The following BLTP1 variants were observed in gnomAD, a reference collection of about 807,000 sequenced individuals.
BLTP1 encodes fragile site-associated protein.
At chr4:122,241,422 A>T in the BLTP1 span, among the ~76,000 whole-genome samples, 3 of 152,200 alleles carry the variant, frequency 2.0e-5, no homozygotes, top group Non-Finnish European at 4.4e-5. Context: ...TCAGAGTTTT[A>T]AGGAAATATG....
the BLTP1 span, chr4:122,209,730 A>T: frequency 6.8e-7 from 1 of 1,473,362 alleles, no homozygotes; most frequent in Non-Finnish European, 9.1e-7. Flanking sequence ...AAAAAATAAT[A>T]ATAAAATTTG....
the BLTP1 span, among the ~76,000 whole-genome samples, chr4:122,272,979 T>C: frequency 6.6e-6 from 1 of 152,074 alleles, no homozygotes; most frequent in Non-Finnish European, 1.5e-5. Flanking sequence ...TGCCATTGAT[T>C]GTAAACTGCA....
At chr4:122,174,417 A>G in the BLTP1 span, 1 of 945,724 alleles carries the variant, frequency 1.1e-6, no homozygotes, top group Non-Finnish European at 1.3e-6. Context: ...TTGGGGAAAG[A>G]ATGATGGAAA....
At chr4:122,264,208 T>G in the BLTP1 span, 1 of 1,520,498 alleles carries the variant, frequency 6.6e-7, no homozygotes, top group Non-Finnish European at 8.8e-7. Flanking sequence ...GTGTTTCTAT[T>G]CCCCAATAAT....
the BLTP1 span, among the ~76,000 whole-genome samples, chr4:122,302,885 G>T: frequency 6.6e-6 from 1 of 152,156 alleles, no homozygotes; most frequent in Non-Finnish European, 1.5e-5. Flanking sequence ...GCTGGGAGAG[G>T]TGAGGAAGCT....
chr4:122,175,907 G>A, the BLTP1 span: 54 of 1,433,510 alleles, frequency 3.8e-5, no homozygotes, highest in Admixed American at 6.8e-5. Flanking sequence ...CAAAACAGAA[G>A]CAACATGGTG....
chr4:122,298,269 G>T, the BLTP1 span: 1 of 925,726 alleles, frequency 1.1e-6, no homozygotes, highest in Non-Finnish European at 1.3e-6. Context: ...TGTGTTTGTT[G>T]TATCTCATGA....
chr4:122,361,152 T>C, the BLTP1 span, among the ~76,000 whole-genome samples: 1 of 152,210 alleles, frequency 6.6e-6, no homozygotes, highest in African/African-American at 2.4e-5. Context: ...AGGAGATCAA[T>C]GCCTAACCAC....
the BLTP1 span, chr4:122,187,899 G>A: frequency 4.5e-6 from 7 of 1,565,294 alleles, no homozygotes; most frequent in East Asian, 2.3e-5. Flanking sequence ...TTTTAGGGAC[G>A]TTTGGCCTTT....
chr4:122,158,212 G>A, the BLTP1 span, among the ~76,000 whole-genome samples: 1 of 152,174 alleles, frequency 6.6e-6, no homozygotes, highest in African/African-American at 2.4e-5. Flanking sequence ...GAATGTGTTT[G>A]TTAGCCAATA....
the BLTP1 span, chr4:122,194,478 T>A: frequency 1.2e-6 from 1 of 801,212 alleles, no homozygotes; most frequent in Non-Finnish European, 1.5e-6. Flanking sequence ...TAAGTCATGC[T>A]ATATTTGACA....
chr4:122,238,446 A>G, the BLTP1 span: 1 of 934,494 alleles, frequency 1.1e-6, no homozygotes. Flanking sequence ...CCACTCCCCC[A>G]CTTTAGAAAA....
chr4:122,275,191 G>T, the BLTP1 span, among the ~76,000 whole-genome samples: 1 of 151,916 alleles, frequency 6.6e-6, no homozygotes, highest in Non-Finnish European at 1.5e-5. Context: ...AGGAGAAGGG[G>T]TTATTATTAT....
chr4:122,258,884 C>T, the BLTP1 span: 34 of 1,258,082 alleles, frequency 2.7e-5, 1 homozygote, highest in Non-Finnish European at 2.2e-6. Flanking sequence ...TCCAGACTTA[C>T]AGAGAAAACC....
the BLTP1 span, chr4:122,260,108 C>A: frequency 5.8e-6 from 1 of 171,244 alleles, no homozygotes; most frequent in Non-Finnish European, 1.2e-5. Context: ...GCCTACTACA[C>A]ACCTAGACTA....
chr4:122,246,665 A>G, the BLTP1 span: 4 of 1,598,628 alleles, frequency 2.5e-6, no homozygotes, highest in South Asian at 1.1e-5. Context: ...CAGTTCTGAA[A>G]TTTTGTGTGT....
chr4:122,331,628 A>G, the BLTP1 span: 2 of 1,472,428 alleles, frequency 1.4e-6, no homozygotes, highest in South Asian at 2.9e-5. Context: ...AAACTTCTCC[A>G]TCCCAAAATG....
the BLTP1 span, chr4:122,289,213 A>G: frequency 9.8e-6 from 15 of 1,523,196 alleles, no homozygotes; most frequent in African/African-American, 1.9e-4. Flanking sequence ...CTAGTACCTT[A>G]TAGTATAGGT....
the BLTP1 span, chr4:122,344,450 G>T: frequency 6.2e-7 from 1 of 1,613,998 alleles, no homozygotes; most frequent in Non-Finnish European, 8.5e-7. Context: ...CCTTGAGTTT[G>T]TAAAAGTGAG....
Sources: allele counts gnomAD v4.1 joint callset (sites outside exome capture counted in the v4.1 genomes callset), GRCh38; gene constraint gnomAD v4.1.1; transcripts MANE v1.5; gene names NCBI Gene and HGNC (gene_info 2026-07-23, HGNC 2026-07-21).